The following TMEM117 variants were observed in gnomAD, a reference collection of about 807,000 sequenced individuals.
TMEM117 encodes the protein transmembrane protein 117.
TMEM117 carries 27 observed loss-of-function variants against 52.4 expected under a neutral mutation model. The ratio of observed to expected loss-of-function variants is 0.51; its 90% CI spans 0.38 to 0.71. TMEM117 has a LOEUF of 0.71. Among genes scored for constraint, TMEM117 ranks in the 30% least tolerant of loss-of-function variants. The pLI, the probability that TMEM117 is intolerant of heterozygous loss-of-function variation, is 0.00. For synonymous variants in TMEM117, 215 were observed against 206.3 expected, an observed-to-expected ratio of 1.04 and a Z score of -0.36; for missense variants, 556 against 630.5, an observed-to-expected ratio of 0.88 and a Z score of 1.26.
intron 3 of TMEM117, among the ~76,000 whole-genome samples, chr12:44,139,716 A>C (rs1424272333): frequency 1.3e-5 from 2 of 152,194 alleles, no homozygotes; most frequent in Non-Finnish European, 2.9e-5. Flanking sequence ...TAATCAGCTA[A>C]TGCACCAAAC....
At chr12:43,873,258 A>G (rs1268688850) in intron 2 of TMEM117, among the ~76,000 whole-genome samples, 1 of 149,422 alleles carries the variant, frequency 6.7e-6, no homozygotes, top group African/African-American at 2.4e-5. Context: ...TTTTCTTCTA[A>G]TAGGGTTAGT....
chr12:44,238,724 A>G (rs1950028245), intron 5 of TMEM117, among the ~76,000 whole-genome samples: 1 of 152,184 alleles, frequency 6.6e-6, no homozygotes, highest in African/African-American at 2.4e-5. Flanking sequence ...ATAGCATGTA[A>G]AGACAAAGGT....
At chr12:43,959,549 A>T (rs1945368136) in intron 3 of TMEM117, among the ~76,000 whole-genome samples, 1 of 152,124 alleles carries the variant, frequency 6.6e-6, no homozygotes, top group African/African-American at 2.4e-5. Flanking sequence ...TTCCTTTTCT[A>T]GTCAATATTG....
At chr12:44,216,206 C>A (rs767602324) in intron 5 of TMEM117, among the ~76,000 whole-genome samples, 2 of 151,862 alleles carry the variant, frequency 1.3e-5, no homozygotes, top group Non-Finnish European at 2.9e-5. Flanking sequence ...GGGAGTTTCA[C>A]CATGTTGGTC....
chr12:44,004,520 G>C (rs1946164294), intron 3 of TMEM117, among the ~76,000 whole-genome samples: 1 of 152,154 alleles, frequency 6.6e-6, no homozygotes, highest in Admixed American at 6.6e-5. Flanking sequence ...CATAATCTCA[G>C]ATCATTGTAG....
chr12:43,927,230 T>C (rs1356328983), intron 2 of TMEM117, among the ~76,000 whole-genome samples: 3 of 152,046 alleles, frequency 2.0e-5, no homozygotes, highest in Non-Finnish European at 4.4e-5. Flanking sequence ...GTTACTAATT[T>C]CTAATTGATT....
At chr12:44,383,624 G>A (rs1357597355) in intron 7 of TMEM117, among the ~76,000 whole-genome samples, 1 of 152,132 alleles carries the variant, frequency 6.6e-6, no homozygotes, top group Non-Finnish European at 1.5e-5. Context: ...CATTGTGCTA[G>A]GTAGTTGAAA....
At chr12:44,354,734 A>C (rs1951620411) in intron 6 of TMEM117, among the ~76,000 whole-genome samples, 1 of 151,982 alleles carries the variant, frequency 6.6e-6, no homozygotes, top group African/African-American at 2.4e-5. Context: ...CAAAAACTGG[A>C]AGCATTCCCT....
intron 6 of TMEM117, among the ~76,000 whole-genome samples, chr12:44,325,291 A>G (rs1003166938): frequency 1.3e-5 from 2 of 152,146 alleles, no homozygotes; most frequent in Non-Finnish European, 2.9e-5. Flanking sequence ...TACAGTGAAA[A>G]CTATGAATAT....
Position 44,388,496 on chromosome 12 carries a change from G to T in TMEM117, c.1369G>T (p.Val457Leu), listed in dbSNP as rs201628777. ...CACTCGAGAAAACACCCAGGCTTCA[G>T]TAGAAGACCCCTTGAATGACCCTTC... ...GITRENTQAS[V>L]EDPLNDPSLV... Residue 457 changes from valine to leucine, a missense_variant, in exon 8 of 8, where the codon GTA becomes TTA. Val to Leu is a conservative substitution (Grantham distance 32). This residue lies in a region of TMEM117 where 206 missense variants were observed against 211.1 expected (regional missense o/e 0.98). Coordinates refer to ENST00000266534, the MANE Select transcript of TMEM117 (RefSeq NM_032256.3). 1.9e-4 allele frequency: 309 copies of T among 1,613,378 alleles called. No homozygotes were observed. The highest frequency in any genetic ancestry group is 2.4e-4 in the Non-Finnish European group (285 of 1,179,662).
At chr12:44,219,289 T>C (rs1465433483) in intron 5 of TMEM117, among the ~76,000 whole-genome samples, 6 of 151,334 alleles carry the variant, frequency 4.0e-5, no homozygotes, top group Admixed American at 3.3e-4. Flanking sequence ...TCACATTAAC[T>C]CCCTATATTC....
intron 3 of TMEM117, among the ~76,000 whole-genome samples, chr12:44,102,545 C>A (rs1019836203): frequency 6.6e-6 from 1 of 151,768 alleles, no homozygotes; most frequent in African/African-American, 2.4e-5. Flanking sequence ...TCTCCTTTTT[C>A]TTCCATTTGT....
At chr12:44,093,525 A>C (rs61933035) in intron 3 of TMEM117, among the ~76,000 whole-genome samples, 1 of 152,184 alleles carries the variant, frequency 6.6e-6, no homozygotes, top group Non-Finnish European at 1.5e-5. Flanking sequence ...TATTAGACCA[A>C]TTCTAATGTT....
chr12:43,905,007 G>A (rs1022733807), intron 2 of TMEM117, among the ~76,000 whole-genome samples: 3 of 152,114 alleles, frequency 2.0e-5, no homozygotes, highest in African/African-American at 7.2e-5. Flanking sequence ...GCTGGGCGTG[G>A]TGGTGCATGC....
intron 4 of TMEM117, among the ~76,000 whole-genome samples, chr12:44,190,829 T>C (rs147143422): frequency 6.8e-4 from 102 of 150,538 alleles, no homozygotes; most frequent in African/African-American, 2.2e-3. Flanking sequence ...AAGTTTTACT[T>C]GATAAACTGT....
intron 2 of TMEM117, among the ~76,000 whole-genome samples, chr12:43,943,167 ACT>A (rs1487962253): frequency 1.0e-5 from 1 of 98,596 alleles, no homozygotes; most frequent in Non-Finnish European, 1.9e-5. Flanking sequence ...ACAGAGCAAG[ACT>A]CTGTCTCAAA....
chr12:43,851,608 A>G (rs1320980101), intron 2 of TMEM117, among the ~76,000 whole-genome samples: 2 of 152,242 alleles, frequency 1.3e-5, no homozygotes, highest in Non-Finnish European at 2.9e-5. Flanking sequence ...TCTTGAGCTT[A>G]TTCAAGAAAT....
chr12:43,988,691 C>T (rs980410029), intron 3 of TMEM117, among the ~76,000 whole-genome samples: 1 of 151,892 alleles, frequency 6.6e-6, no homozygotes, highest in Non-Finnish European at 1.5e-5. Flanking sequence ...ACCCTAAAAG[C>T]CTCTGATTTC....
chr12:44,302,799 A>G (rs1293388797), intron 6 of TMEM117, among the ~76,000 whole-genome samples: 1 of 152,236 alleles, frequency 6.6e-6, no homozygotes, highest in South Asian at 2.1e-4. Context: ...ACAGAGCCCC[A>G]GAAAGCATAT....
Sources: gnomAD v4.1 joint callset for allele counts (sites outside exome capture counted in the v4.1 genomes callset) on GRCh38, gnomAD v4.1.1 for gene constraint, gnomAD v4.1.1 regional missense constraint, MANE v1.5 for transcripts, NCBI Gene and HGNC (gene_info 2026-07-23, HGNC 2026-07-21) for gene names.